PRKN: variants seen among roughly 807,000 people sequenced by gnomAD.
PRKN encodes E3 ubiquitin-protein ligase parkin.
A neutral mutation model predicts 59.5 loss-of-function variants in PRKN; 56 were observed. The ratio of observed to expected loss-of-function variants is 0.94; its 90% confidence interval spans 0.76 to 1.18. PRKN has a LOEUF of 1.18. Among genes scored for constraint, PRKN ranks in the 50% most tolerant of loss-of-function variants. The pLI, the probability that PRKN is intolerant of heterozygous loss-of-function variation, is 0.00. For missense variants in PRKN, 657 were observed against 596.4 expected, an observed-to-expected ratio of 1.10 and a Z score of -1.06; for synonymous variants, 250 against 222.1, an observed-to-expected ratio of 1.13 and a Z score of -1.12.
At chr6:162,180,111 G>A (rs1783733327) in intron 4 of PRKN, among the ~76,000 whole-genome samples, 1 of 151,916 alleles carries the variant, frequency 6.6e-6, no homozygotes, top group Non-Finnish European at 1.5e-5. Context: ...AGGCATATTT[G>A]AGGTGATTTT....
At chr6:161,929,778 T>A (rs771323387) in intron 6 of PRKN, among the ~76,000 whole-genome samples, 14 of 152,128 alleles carry the variant, frequency 9.2e-5, no homozygotes, top group African/African-American at 3.1e-4. Flanking sequence ...CCTCCCAAAG[T>A]GCTGTGACAT....
chr6:162,666,651 A>C (rs913544436), intron 1 of PRKN, among the ~76,000 whole-genome samples: 23 of 152,108 alleles, frequency 1.5e-4, no homozygotes, highest in African/African-American at 5.5e-4. Context: ...TCCCACAAAA[A>C]ATGTTGTACA....
intron 7 of PRKN, among the ~76,000 whole-genome samples, chr6:161,587,405 A>AT (rs1222463666): frequency 6.6e-6 from 1 of 152,232 alleles, no homozygotes; most frequent in Non-Finnish European, 1.5e-5. Context: ...GATGCTAGTA[A>AT]TTAACTTAAA....
At chr6:162,292,874 C>T (rs1035188044) in intron 2 of PRKN, among the ~76,000 whole-genome samples, 13 of 152,122 alleles carry the variant, frequency 8.5e-5, no homozygotes, top group Admixed American at 4.6e-4. Context: ...CACAAAAAAA[C>T]CTGATTTCCA....
chr6:162,707,499 C>T (rs1778378387), intron 1 of PRKN, among the ~76,000 whole-genome samples: 2 of 152,000 alleles, frequency 1.3e-5, no homozygotes, highest in African/African-American at 4.8e-5. Context: ...AAAATAGTTG[C>T]CTGGTTATCT....
At chr6:161,524,431 G>T (rs1031763863) in intron 9 of PRKN, among the ~76,000 whole-genome samples, 1 of 151,972 alleles carries the variant, frequency 6.6e-6, no homozygotes, top group Non-Finnish European at 1.5e-5. Flanking sequence ...CTGTAGTCTC[G>T]AACTCCTGGG....
At position 161,554,200 on chromosome 6, in the gene PRKN, C is replaced by T. The variant is rs1780145270; in HGVS notation, c.934-5197G>A. The stretch of plus-strand genomic sequence containing the variant: ...ACAATATTCCATAATTGCTCATTTG[C>T]TTTTTCTCACATTACACAATTTCAG... On this transcript the variant is annotated intron_variant, in intron 8 of 11. Transcript: ENST00000366898. This position sits in a 1 kb window ranked among gnomAD's most constrained non-coding sequence, Gnocchi z 4.5. Among the ~76,000 whole-genome samples, 1 of 152,140 alleles carries T rather than the reference C, an allele frequency of 6.6e-6. No homozygotes were observed. The highest frequency in any genetic ancestry group is 1.5e-5 in the Non-Finnish European group (1 of 68,028).
Position 162,099,897 on chromosome 6 carries a change from C to T in PRKN, c.535-45723G>A, listed in dbSNP as rs147910638. ...TTCCTCCTGACTCACTGAAAGTTTG[C>T]TTCCTGTGACCAACACCTCCCCGCC... On this transcript the variant is annotated intron_variant, in intron 4 of 11. Coordinates refer to ENST00000366898, the MANE Select transcript of PRKN (RefSeq NM_004562.3). Among the ~76,000 whole-genome samples, 336 of 152,312 alleles carry T rather than the reference C, an allele frequency of 2.2e-3. 1 individual carries two copies. The highest frequency in any genetic ancestry group is 3.3e-3 in the Non-Finnish European group (227 of 68,038).
At chr6:162,081,965 T>G (rs1241820606) in intron 4 of PRKN, among the ~76,000 whole-genome samples, 1 of 152,136 alleles carries the variant, frequency 6.6e-6, no homozygotes, top group East Asian at 1.9e-4. Context: ...TTAAACCTCA[T>G]GAATCTACCT....
chr6:162,487,200 G>A (rs1208758192), intron 1 of PRKN, among the ~76,000 whole-genome samples: 7 of 152,206 alleles, frequency 4.6e-5, no homozygotes, highest in Non-Finnish European at 1.0e-4. Context: ...ACCACCCAGT[G>A]TCTAAAGGGT....
chr6:162,525,844 TA>T (rs1336779573), intron 1 of PRKN, among the ~76,000 whole-genome samples: 2 of 152,214 alleles, frequency 1.3e-5, no homozygotes, highest in Non-Finnish European at 2.9e-5. Context: ...TATTTATTTT[TA>T]AATTGTTAAT....
intron 7 of PRKN, among the ~76,000 whole-genome samples, chr6:161,689,127 C>A (rs553513652): frequency 6.6e-6 from 1 of 151,990 alleles, no homozygotes; most frequent in Admixed American, 6.6e-5. Context: ...AAAGTACATT[C>A]ACTGTGTGTT....
chr6:162,133,748 C>A (rs1246310521), intron 4 of PRKN, among the ~76,000 whole-genome samples: 1 of 152,056 alleles, frequency 6.6e-6, no homozygotes, highest in Non-Finnish European at 1.5e-5. Context: ...AGAGAAGTGG[C>A]CCATGTGGCC....
chr6:161,481,582 G>A (rs966028790), intron 9 of PRKN, among the ~76,000 whole-genome samples: 9 of 151,812 alleles, frequency 5.9e-5, no homozygotes, highest in Non-Finnish European at 1.0e-4. Flanking sequence ...AGAACCTGGC[G>A]ACAGAGCAAG....
In PRKN at chr6:161,674,430, C is replaced by T. The variant is rs57195745; in HGVS notation, c.872-105014G>A. Among the ~76,000 whole-genome samples, 4 of 152,276 alleles carry T rather than the reference C, an allele frequency of 2.6e-5. No homozygotes were observed. In the South Asian group the frequency reaches 8.3e-4, roughly 32 times the overall value. On this transcript the variant is annotated intron_variant, in intron 7 of 11. Transcript: ENST00000366898. Reference sequence around the variant, plus strand: ...CTATTAGGTTAACCACAGTTGGTGGCTGTTCAAGGATTTACTCCAATAATG... The same window carrying T: ...CTATTAGGTTAACCACAGTTGGTGGTTGTTCAAGGATTTACTCCAATAATG...
Position 162,071,015 on chromosome 6 carries a change from C to T in PRKN, c.535-16841G>A, listed in dbSNP as rs571968940. Reference sequence around the variant, plus strand: ...CCTGGAAATGGGCAGAGTGTCATTTCTAACATGTTCTATTAGTGAAGCAGT... The same window carrying T: ...CCTGGAAATGGGCAGAGTGTCATTTTTAACATGTTCTATTAGTGAAGCAGT... On this transcript the variant is annotated intron_variant, in intron 4 of 11. Coordinates refer to ENST00000366898, the MANE Select transcript of PRKN (RefSeq NM_004562.3). Among the ~76,000 whole-genome samples the T allele has an allele frequency of 2.6e-5, 4 of 152,196 alleles. No individual in the cohort carries two copies. The East Asian group carries it at 7.8e-4, about 30-fold the overall frequency.
chr6:162,291,738 T>C (rs1285037471), intron 2 of PRKN, among the ~76,000 whole-genome samples: 1 of 152,122 alleles, frequency 6.6e-6, no homozygotes, highest in Non-Finnish European at 1.5e-5. Context: ...TTTCCTTTCA[T>C]GTTACCCTGA....
At chr6:162,004,334 T>C (rs1782167820) in intron 5 of PRKN, among the ~76,000 whole-genome samples, 1 of 152,158 alleles carries the variant, frequency 6.6e-6, no homozygotes, top group Non-Finnish European at 1.5e-5. Flanking sequence ...GATTAGAACT[T>C]CTTGAGGCCT....
chr6:161,814,648 A>G (rs1791695536), intron 6 of PRKN, among the ~76,000 whole-genome samples: 1 of 152,102 alleles, frequency 6.6e-6, no homozygotes, highest in Non-Finnish European at 1.5e-5. Context: ...GATTACAGGC[A>G]TGTGCCACCA....
Sources: allele counts gnomAD v4.1 joint callset (sites outside exome capture counted in the v4.1 genomes callset), GRCh38; gene constraint gnomAD v4.1.1; non-coding constraint Gnocchi (gnomAD v3.1); transcripts MANE v1.5; gene names NCBI Gene and HGNC (gene_info 2026-07-23, HGNC 2026-07-21).